The following INO80 variants were observed in gnomAD, a reference collection of about 807,000 sequenced individuals.
The protein encoded by INO80 is INO80 complex ATPase subunit.
In INO80, 20 loss-of-function variants were observed where a neutral mutation model predicts 203.4. That is an observed-to-expected ratio of 0.10 (90% confidence interval 0.07 to 0.14). The LOEUF (loss-of-function observed/expected upper bound fraction) is 0.14, where lower values mean the gene tolerates loss of function less well. Among genes scored for constraint, INO80 ranks in the 10% least tolerant of loss-of-function variants. INO80 has a pLI of 1.00. For missense variants in INO80, 1,419 were observed against 1,914.4 expected (o/e 0.74, Z 4.83); for synonymous variants, 726 against 685.2 (o/e 1.06, Z -0.93).
At chr15:41,057,224 C>G (rs995967711) in intron 16 of INO80, among the ~76,000 whole-genome samples, 1 of 152,096 alleles carries the variant, frequency 6.6e-6, no homozygotes, top group Non-Finnish European at 1.5e-5. Flanking sequence ...GTACTCCCAG[C>G]ACTTTGGGAG....
At chr15:41,074,141 C>T (rs2045365733) in intron 10 of INO80, among the ~76,000 whole-genome samples, 2 of 152,086 alleles carry the variant, frequency 1.3e-5, no homozygotes, top group Admixed American at 6.6e-5. Flanking sequence ...CAAAAATATT[C>T]CCAAACTTGC....
intron 24 of INO80, among the ~76,000 whole-genome samples, chr15:41,041,986 C>A (rs1216483124): frequency 6.6e-6 from 1 of 150,962 alleles, no homozygotes; most frequent in African/African-American, 2.4e-5. Context: ...AGGCACCCAC[C>A]ACCATGCTTG....
intron 24 of INO80, among the ~76,000 whole-genome samples, chr15:41,044,511 T>C (rs1275190891): frequency 1.3e-5 from 2 of 152,156 alleles, no homozygotes; most frequent in African/African-American, 4.8e-5. Flanking sequence ...GTGACAGAAG[T>C]AGAATATGGC....
intron 1 of INO80, among the ~76,000 whole-genome samples, chr15:41,099,720 C>G (rs2045779872): frequency 6.6e-6 from 1 of 151,322 alleles, no homozygotes; most frequent in Non-Finnish European, 1.5e-5. Context: ...AGGTTGAGAC[C>G]TCAGTAAGTC....
chr15:41,041,546 T>G (rs539575912), intron 24 of INO80, among the ~76,000 whole-genome samples: 122 of 151,934 alleles, frequency 8.0e-4, no homozygotes, highest in Non-Finnish European at 1.5e-3. Context: ...GTTCAAGCAA[T>G]TCTCCTGCCT....
At chr15:41,108,584 T>A (rs1596332931) in intron 1 of INO80, among the ~76,000 whole-genome samples, 1 of 113,902 alleles carries the variant, frequency 8.8e-6, no homozygotes, top group African/African-American at 3.6e-5. Context: ...ACAGCGAGAC[T>A]CCGTCTCAAA....
At chr15:41,110,086 T>G (rs1317432613) in intron 1 of INO80, among the ~76,000 whole-genome samples, 5 of 147,850 alleles carry the variant, frequency 3.4e-5, no homozygotes, top group African/African-American at 1.2e-4. Context: ...CAAGCGAAAC[T>G]CCGTCTCAAA....
intron 24 of INO80, among the ~76,000 whole-genome samples, chr15:41,031,981 A>G (rs1490638589): frequency 1.1e-5 from 1 of 89,050 alleles, no homozygotes. Context: ...AGCACAGCAC[A>G]GCACAGCACA....
chr15:41,094,806 T>G (rs1320165789), intron 4 of INO80, among the ~76,000 whole-genome samples: 1 of 152,020 alleles, frequency 6.6e-6, no homozygotes, highest in African/African-American at 2.4e-5. Flanking sequence ...ATCTCAAAGG[T>G]TTTGAGCACC....
rs1395205498 is a variant in INO80, at chr15:41,095,763, C to A, written c.309G>T (p.Gln103His). 4 of 1,614,080 alleles carry A rather than the reference C, an allele frequency of 2.5e-6. No individual in the cohort carries two copies. Among genetic ancestry groups the A allele is most frequent in the Non-Finnish European group, 2.5e-6 (3 of 1,179,992 alleles). ...GGGATGTCACACCACACTGACCTGACTGTAGAACTCCATTCAGAGAATATG... is the reference window on the plus strand; with the variant it reads ...GGGATGTCACACCACACTGACCTGAATGTAGAACTCCATTCAGAGAATATG... ...LNTYSLNGVLQSESKCDKGNL... is the reference protein window; with the variant it reads ...LNTYSLNGVLHSESKCDKGNL... Residue 103 changes from glutamine to histidine, a missense_variant, in exon 3 of 36, where the codon CAG becomes CAT. Gln to His is a conservative substitution (Grantham distance 24). Transcript: ENST00000648947.
intron 24 of INO80, among the ~76,000 whole-genome samples, chr15:41,038,846 T>G (rs773194797): frequency 3.9e-5 from 6 of 152,214 alleles, no homozygotes; most frequent in Non-Finnish European, 7.3e-5. Flanking sequence ...TGGTTTGATA[T>G]AATGACTCTG....
chr15:41,052,647 T>C (rs2044896014), intron 19 of INO80, among the ~76,000 whole-genome samples: 2 of 134,540 alleles, frequency 1.5e-5, no homozygotes, highest in African/African-American at 2.9e-5. Flanking sequence ...CATTCCACCA[T>C]GGGTGACAGA....
chr15:40,987,025 C>T (rs2043745267), intron 31 of INO80, 66 bp downstream of exon 31: 2 of 919,638 alleles, frequency 2.2e-6, no homozygotes, highest in Non-Finnish European at 3.5e-6. Context: ...ACCCTTGGCA[C>T]ACAGCCAAGT....
At chr15:41,087,540 G>A (rs2045580012) in intron 6 of INO80, 22 bp downstream of exon 6, 3 of 1,612,598 alleles carry the variant, frequency 1.9e-6, no homozygotes, top group Non-Finnish European at 2.5e-6. Flanking sequence ...AATATACGTG[G>A]AAGGCAGTTC....
At position 40,985,122 on chromosome 15, in the gene INO80, C is replaced by G. The variant is rs188059528; in HGVS notation, c.3921+216G>C. On this transcript the variant is annotated intron_variant, in intron 32 of 35. Transcript: ENST00000648947. The stretch of plus-strand genomic sequence containing the variant: ...AATGGTTTCCATAATTAAACTGTGA[C>G]CACCGTAAGGGTGAGTTTGTGTGGA... Among the ~76,000 whole-genome samples the G allele has an allele frequency of 2.7e-3, 409 of 152,240 alleles. 3 individuals are homozygous for G. The highest frequency in any genetic ancestry group is 0.013 in the South Asian group (62 of 4,806).
chr15:41,114,273 CAAA>C (rs60513256), intron 1 of INO80, among the ~76,000 whole-genome samples: 12,771 of 128,862 alleles, frequency 0.099, 1,663 homozygotes, highest in African/African-American at 0.31. Context: ...TCTCAAAAAA[CAAA>C]AAAAAAAAAA....
rs35197370 is a variant in INO80, at chr15:41,057,797, CAAAAAAAAAAAA to C, written c.1985+830_1985+841del. Among the ~76,000 whole-genome samples, 148 of 29,340 alleles carry C rather than the reference CAAAAAAAAAAAA, an allele frequency of 5.0e-3. 2 individuals carry two copies. The highest frequency in any genetic ancestry group is 0.015 in the African/African-American group (128 of 8,430). 19.2% of individuals were successfully genotyped at this position (29,340 alleles called of 152,430 possible). A position where few individuals can be genotyped will look rare whatever the true frequency, so the allele number is the denominator to read the frequency against. ...GGGCAACAAGAGTGAAACTACATCT[CAAAAAAAAAAAA>C]AAAAAAAAAAAGAAAGAAAGAAAAG... On this transcript the variant is annotated intron_variant, in intron 16 of 35. Coordinates refer to ENST00000648947, the MANE Select transcript of INO80 (RefSeq NM_017553.3).
intron 28 of INO80, 173 bp downstream of exon 28, chr15:41,005,420 A>G: frequency 1.8e-6 from 1 of 549,514 alleles, no homozygotes; most frequent in Non-Finnish European, 3.2e-6. Flanking sequence ...TCCCAGACAC[A>G]TAGATCTGAA....
At chr15:40,989,734 T>G (rs1032763931) in intron 29 of INO80, among the ~76,000 whole-genome samples, 6 of 152,204 alleles carry the variant, frequency 3.9e-5, no homozygotes, top group Non-Finnish European at 8.8e-5. Flanking sequence ...CCTGCCACCA[T>G]GTCCAAACTC....
Sources: allele counts gnomAD v4.1 joint callset (sites outside exome capture counted in the v4.1 genomes callset), GRCh38; gene constraint gnomAD v4.1.1; transcripts MANE v1.5; gene names NCBI Gene and HGNC (gene_info 2026-07-23, HGNC 2026-07-21).